CAP2: variants seen among roughly 807,000 people sequenced by gnomAD.
CAP2 encodes cyclase associated actin cytoskeleton regulatory protein 2, also known as adenylyl cyclase-associated protein 2.
In CAP2, 24 loss-of-function variants were observed where a neutral mutation model predicts 57.7. The observed-to-expected ratio is 0.42, with a 90% CI of 0.30 to 0.58. The LOEUF (loss-of-function observed/expected upper bound fraction) is 0.58. CAP2 is among the 20% of genes least tolerant of loss of function. The pLI is 0.22. For synonymous variants in CAP2, 194 were observed against 207.2 expected (o/e 0.94, Z 0.55); for missense variants, 501 against 590.3 (o/e 0.85, Z 1.57).
chr6:17,485,012 C>T (rs563414341), intron 4 of CAP2, among the ~76,000 whole-genome samples: 19 of 152,154 alleles, frequency 1.2e-4, no homozygotes, highest in African/African-American at 2.2e-4. Context: ...CACTATTGTC[C>T]GATTTCTTTA....
chr6:17,551,590 C>T lies in CAP2; in HGVS notation c.1336C>T (p.Gln446Ter), dbSNP rs1763172769. The T allele has an allele frequency of 6.2e-7, 1 of 1,606,270 alleles. No individual in the cohort carries two copies. Among genetic ancestry groups the T allele is most frequent in the African/African-American group, 1.3e-5 (1 of 74,644 alleles). Reference protein sequence around the residue: ...KSSEMNILIPQDGDYREFPIP... With the variant: ...KSSEMNILIP ...ATCTGAAATGAACATACTTATCCCT[C>T]AGGATGGTGATTATGTAAGTACCTT... Residue 446 changes from glutamine to a stop codon, truncating the protein, a stop_gained, in exon 12 of 13, where the codon CAG (glutamine) becomes TAG (stop). Coordinates refer to ENST00000229922, the MANE Select transcript of CAP2 (RefSeq NM_006366.3). LOFTEE classifies it high-confidence loss of function.
intron 8 of CAP2, 118 bp downstream of exon 8, chr6:17,539,576 G>A (rs766346089): frequency 5.5e-5 from 41 of 746,758 alleles, no homozygotes; most frequent in Non-Finnish European, 8.2e-5. Flanking sequence ...CCAGCATGCA[G>A]GGAGAGGGGG....
chr6:17,441,691 C>T (rs1368692687), intron 3 of CAP2, among the ~76,000 whole-genome samples: 3 of 152,144 alleles, frequency 2.0e-5, no homozygotes, highest in African/African-American at 7.2e-5. Flanking sequence ...CACCATGTTG[C>T]TCAGGCTGGT....
chr6:17,437,035 C>A (rs931476339), intron 3 of CAP2, among the ~76,000 whole-genome samples: 1 of 152,180 alleles, frequency 6.6e-6, no homozygotes, highest in East Asian at 1.9e-4. Context: ...CCATCACCCC[C>A]AGATGGGACT....
rs115541853 is a variant in CAP2, at chr6:17,430,212, A to G, written c.222+3522A>G. ...AACAGACCACAAAAAAGGGGATCTAATAGCTACAATTAGGAATCTCTGCTG... is the reference window on the plus strand; with the variant it reads ...AACAGACCACAAAAAAGGGGATCTAGTAGCTACAATTAGGAATCTCTGCTG... On this transcript the variant is annotated intron_variant, in intron 3 of 12. Coordinates refer to ENST00000229922, the MANE Select transcript of CAP2 (RefSeq NM_006366.3). 3.5e-3 allele frequency among the ~76,000 whole-genome samples: 540 copies of G among 152,308 alleles called. 3 individuals are homozygous for G. The highest frequency in any genetic ancestry group is 0.012 in the African/African-American group (491 of 41,568).
At chr6:17,525,468 C>CA (rs35979749) in intron 7 of CAP2, among the ~76,000 whole-genome samples, 42,227 of 139,010 alleles carry the variant, frequency 0.3, 7,428 homozygotes, top group African/African-American at 0.51. Context: ...GATTCCATCT[C>CA]AAAAAAAAAA....
At chr6:17,456,727 G>C (rs551876322) in intron 3 of CAP2, among the ~76,000 whole-genome samples, 1 of 152,144 alleles carries the variant, frequency 6.6e-6, no homozygotes, top group Non-Finnish European at 1.5e-5. Context: ...CAAGAAGAGG[G>C]CTGATGCAGT....
chr6:17,454,429 G>C (rs1005026939), intron 3 of CAP2, among the ~76,000 whole-genome samples: 1 of 152,224 alleles, frequency 6.6e-6, no homozygotes, highest in African/African-American at 2.4e-5. Context: ...CGCTGGCTGA[G>C]TAGGGATGTG....
chr6:17,460,272 A>G (rs1280568531), intron 3 of CAP2, among the ~76,000 whole-genome samples: 1 of 143,388 alleles, frequency 7.0e-6, no homozygotes, highest in African/African-American at 3.1e-5. Flanking sequence ...ACCTGAAAGA[A>G]CTAAAAAACA....
intron 11 of CAP2, among the ~76,000 whole-genome samples, chr6:17,546,058 A>G (rs561332222): frequency 2.0e-4 from 30 of 152,364 alleles, no homozygotes; most frequent in African/African-American, 6.7e-4. Flanking sequence ...GTATATACCC[A>G]GTAATGGGAT....
intron 3 of CAP2, among the ~76,000 whole-genome samples, chr6:17,433,234 A>G (rs1460731521): frequency 6.6e-6 from 1 of 152,178 alleles, no homozygotes; most frequent in Non-Finnish European, 1.5e-5. Flanking sequence ...AAGCAAACAG[A>G]AGGAACCATG....
chr6:17,469,919 A>G (rs750577699), intron 4 of CAP2, among the ~76,000 whole-genome samples: 1 of 152,164 alleles, frequency 6.6e-6, no homozygotes, highest in Non-Finnish European at 1.5e-5. Flanking sequence ...TAAACTAAGC[A>G]AAAAAGCCTA....
At chr6:17,491,572 T>C (rs2113635634) in intron 4 of CAP2, among the ~76,000 whole-genome samples, 1 of 152,326 alleles carries the variant, frequency 6.6e-6, no homozygotes, top group South Asian at 2.1e-4. Context: ...ATAGGAAGAA[T>C]ACTGGGGCTC....
chr6:17,538,340 C>T (rs1363388823), intron 7 of CAP2, among the ~76,000 whole-genome samples: 1 of 151,812 alleles, frequency 6.6e-6, no homozygotes, highest in Non-Finnish European at 1.5e-5. Flanking sequence ...CCTGTTGTCC[C>T]AGCTATTCAG....
At chr6:17,512,170 C>T (rs1007711279) in intron 6 of CAP2, among the ~76,000 whole-genome samples, 7 of 151,802 alleles carry the variant, frequency 4.6e-5, no homozygotes, top group Non-Finnish European at 7.4e-5. Flanking sequence ...AGGGAAGATA[C>T]CTTGAGGCCA....
chr6:17,520,942 C>T (rs74880425), intron 7 of CAP2, among the ~76,000 whole-genome samples: 1 of 152,232 alleles, frequency 6.6e-6, no homozygotes, highest in Non-Finnish European at 1.5e-5. Context: ...TGTCTGATGA[C>T]AAAGCTCACT....
chr6:17,556,505 A>G lies in CAP2; in HGVS notation c.*63A>G. On this transcript the variant is annotated 3_prime_UTR_variant, in exon 13 of 13. Transcript: ENST00000229922. ...TCTATCAAACAAACAAAAAAGCAGC[A>G]GTAAAGAGCTAGAAGTTGCAGTAGC... 1 of 1,209,594 alleles carries G rather than the reference A, an allele frequency of 8.3e-7. No individual in the cohort carries two copies. Among genetic ancestry groups the G allele is most frequent in the East Asian group, 2.3e-5 (1 of 43,074 alleles). 74.9% of individuals were successfully genotyped at this position (1,209,594 alleles called of 1,614,324 possible).
At chr6:17,470,939 T>G (rs1581546573) in intron 4 of CAP2, among the ~76,000 whole-genome samples, 3 of 152,340 alleles carry the variant, frequency 2.0e-5, no homozygotes, top group Admixed American at 2.0e-4. Flanking sequence ...CACTTGGGTA[T>G]AAATAGATGT....
intron 3 of CAP2, among the ~76,000 whole-genome samples, chr6:17,444,327 C>A (rs998349435): frequency 1.3e-5 from 2 of 152,106 alleles, no homozygotes; most frequent in Non-Finnish European, 2.9e-5. Context: ...TCAAGCCAAA[C>A]CTAGACCAGT....
Sources: allele counts gnomAD v4.1 joint callset (sites outside exome capture counted in the v4.1 genomes callset), GRCh38; gene constraint gnomAD v4.1.1; transcripts MANE v1.5; gene names NCBI Gene and HGNC (gene_info 2026-07-23, HGNC 2026-07-21).